Variants in TMEM132D observed in about 807,000 individuals in gnomAD.
The protein encoded by TMEM132D is mature OL transmembrane protein.
TMEM132D carries 21 observed loss-of-function variants against 62.3 expected under a neutral mutation model. The observed-to-expected ratio is 0.34, with a 90% CI of 0.24 to 0.49. The LOEUF (loss-of-function observed/expected upper bound fraction) is 0.49, where lower values mean the gene tolerates loss of function less well. Ranked by LOEUF, TMEM132D falls within the 20% of genes least tolerant of loss-of-function variation. The pLI is 0.99. For missense variants in TMEM132D, 1,346 were observed against 1,402.8 expected (o/e 0.96, Z 0.65); for synonymous variants, 621 against 575.6 (o/e 1.08, Z -1.13).
intron 3 of TMEM132D, among the ~76,000 whole-genome samples, chr12:129,472,656 A>C (rs934546711): frequency 6.6e-6 from 1 of 152,196 alleles, no homozygotes; most frequent in Non-Finnish European, 1.5e-5. Flanking sequence ...ATGCATGAAA[A>C]AGGTGGTTTG....
chr12:129,714,904 T>C (rs1204295536), intron 1 of TMEM132D, among the ~76,000 whole-genome samples: 2 of 152,120 alleles, frequency 1.3e-5, no homozygotes, highest in Non-Finnish European at 1.5e-5. Flanking sequence ...AGGGTGCAGT[T>C]TGGACACAGA....
chr12:129,714,287 G>T (rs967290711), intron 1 of TMEM132D, among the ~76,000 whole-genome samples: 2 of 152,174 alleles, frequency 1.3e-5, no homozygotes, highest in African/African-American at 4.8e-5. Flanking sequence ...CATATGCCCT[G>T]GTTAGTTTAT....
chr12:129,315,620 C>G (rs1049670543), intron 4 of TMEM132D, among the ~76,000 whole-genome samples: 5 of 151,998 alleles, frequency 3.3e-5, no homozygotes, highest in Non-Finnish European at 7.4e-5. Flanking sequence ...TTGGTTATGT[C>G]CTTTCCTGGT....
rs189628296 is a variant in TMEM132D at position 129,872,418 on chromosome 12, C to T, written c.79+30843G>A. ...CAGATTAAACATCACGATCCCCTGC[C>T]GTGCATCCCCTGCCTGGGGTCCCCA... is the stretch of plus-strand genomic sequence containing the variant. On this transcript the variant is annotated intron_variant, in intron 1 of 8. Transcript: ENST00000422113. Among the ~76,000 whole-genome samples the T allele has an allele frequency of 7.3e-3, 1,116 of 152,300 alleles. 15 individuals are homozygous for T. Among genetic ancestry groups the T allele is most frequent in the African/African-American group, 0.024 (1,014 of 41,562 alleles).
At chr12:129,311,215 A>G (rs1324007503) in intron 4 of TMEM132D, among the ~76,000 whole-genome samples, 3 of 144,396 alleles carry the variant, frequency 2.1e-5, no homozygotes, top group African/African-American at 5.5e-5. Flanking sequence ...AAAAAAAAAA[A>G]AAAAAAAAAA....
intron 2 of TMEM132D, among the ~76,000 whole-genome samples, chr12:129,695,081 T>C (rs951001569): frequency 6.6e-6 from 1 of 152,234 alleles, no homozygotes; most frequent in Non-Finnish European, 1.5e-5. Context: ...CTGAATCTGC[T>C]GATTCTGGGA....
intron 3 of TMEM132D, among the ~76,000 whole-genome samples, chr12:129,457,753 G>A (rs1198200375): frequency 6.6e-6 from 1 of 151,896 alleles, no homozygotes; most frequent in Non-Finnish European, 1.5e-5. Flanking sequence ...AGAGTGAAGA[G>A]GGAGGTGCCA....
intron 2 of TMEM132D, among the ~76,000 whole-genome samples, chr12:129,655,150 T>C (rs1408256816): frequency 1.3e-5 from 2 of 151,914 alleles, no homozygotes; most frequent in Non-Finnish European, 2.9e-5. Context: ...GGTTTCACCA[T>C]GTTGGCCAGG....
intron 1 of TMEM132D, among the ~76,000 whole-genome samples, chr12:129,879,660 G>A (rs1363731137): frequency 6.6e-6 from 1 of 152,102 alleles, no homozygotes. Flanking sequence ...TAGAAACTAA[G>A]AAAATGCCAA....
chr12:129,496,972 G>A (rs1874977632), intron 3 of TMEM132D, among the ~76,000 whole-genome samples: 1 of 152,162 alleles, frequency 6.6e-6, no homozygotes, highest in African/African-American at 2.4e-5. Flanking sequence ...GAGAACAGAG[G>A]GCTGGATGGG....
intron 1 of TMEM132D, among the ~76,000 whole-genome samples, chr12:129,880,368 G>A (rs112894123): frequency 3.3e-4 from 51 of 152,306 alleles, no homozygotes; most frequent in African/African-American, 1.2e-3. Flanking sequence ...TTAAAGGAGA[G>A]TCTTCAGACA....
intron 2 of TMEM132D, among the ~76,000 whole-genome samples, chr12:129,583,026 T>C (rs1354602733): frequency 2.0e-5 from 3 of 152,154 alleles, no homozygotes; most frequent in Non-Finnish European, 4.4e-5. Flanking sequence ...GCCAGACTGG[T>C]CTTGATCTCC....
At chr12:129,582,161 A>G (rs1395552229) in intron 2 of TMEM132D, among the ~76,000 whole-genome samples, 1 of 152,244 alleles carries the variant, frequency 6.6e-6, no homozygotes, top group Non-Finnish European at 1.5e-5. Flanking sequence ...ATCACAGTCC[A>G]CATGGCCGAT....
At chr12:129,643,101 T>A (rs771198969) in intron 2 of TMEM132D, among the ~76,000 whole-genome samples, 9 of 152,126 alleles carry the variant, frequency 5.9e-5, no homozygotes, top group African/African-American at 2.2e-4. Context: ...ATTTTCGTAT[T>A]TTTAGTAGAG....
chr12:129,587,997 G>A (rs1313099016), intron 2 of TMEM132D, among the ~76,000 whole-genome samples: 1 of 152,160 alleles, frequency 6.6e-6, no homozygotes, highest in Non-Finnish European at 1.5e-5. Context: ...CCGGGGAAGA[G>A]CCACTTCCTC....
At chr12:129,861,618 G>A (rs181244006) in intron 1 of TMEM132D, among the ~76,000 whole-genome samples, 88 of 152,100 alleles carry the variant, frequency 5.8e-4, no homozygotes, top group Middle Eastern at 3.4e-3. Context: ...AAAATTAGCC[G>A]GTCATGGTGG....
chr12:129,389,110 G>A (rs1871226197), intron 3 of TMEM132D, among the ~76,000 whole-genome samples: 2 of 132,144 alleles, frequency 1.5e-5, no homozygotes, highest in Admixed American at 7.5e-5. Flanking sequence ...CACCAATCCA[G>A]CACTGATGAT....
intron 2 of TMEM132D, among the ~76,000 whole-genome samples, chr12:129,599,597 A>G (rs891416344): frequency 2.6e-5 from 4 of 152,194 alleles, no homozygotes. Context: ...TGTATAATTC[A>G]CACATTTTAA....
At chr12:129,712,228 G>A (rs1166033527) in intron 1 of TMEM132D, among the ~76,000 whole-genome samples, 1 of 151,982 alleles carries the variant, frequency 6.6e-6, no homozygotes. Flanking sequence ...AGGTTCAAGC[G>A]ATTCTCCTGC....
Sources: allele counts gnomAD v4.1 joint callset (sites outside exome capture counted in the v4.1 genomes callset), GRCh38; gene constraint gnomAD v4.1.1; transcripts MANE v1.5; gene names NCBI Gene and HGNC (gene_info 2026-07-23, HGNC 2026-07-21).